The following BRCC3 variants were observed in gnomAD, a reference collection of about 807,000 sequenced individuals.
The protein encoded by BRCC3 is lys-63-specific deubiquitinase BRCC36.
A neutral mutation model predicts 28.0 loss-of-function variants in BRCC3; 15 were observed. That is an observed-to-expected ratio of 0.54 (90% CI 0.36 to 0.82). The LOEUF (loss-of-function observed/expected upper bound fraction) is 0.82, where lower values mean the gene tolerates loss of function less well. Ranked by LOEUF, BRCC3 falls within the 40% of genes least tolerant of loss-of-function variation. The pLI, the probability that BRCC3 is intolerant of heterozygous loss-of-function variation, is 0.01. For missense variants in BRCC3, 109 were observed against 225.9 expected (o/e 0.48, Z 3.32); for synonymous variants, 66 against 80.3 (o/e 0.82, Z 0.95).
At chrX:155,111,602 A>G (rs1427000287) in intron 7 of BRCC3, among the ~76,000 whole-genome samples, 2 of 112,036 alleles carry the variant, frequency 1.8e-5, no homozygotes, top group African/African-American at 6.5e-5. Context: ...CCCAATATAC[A>G]AAAATTAAAA....
Position 155,078,680 on chromosome X carries a change from T to G in BRCC3, c.380T>G (p.Ile127Arg). The change falls in exon 5 of 11, where the codon ATA becomes AGA. Residue 127 changes from isoleucine to arginine, a missense_variant. Coordinates refer to ENST00000330045, the MANE Select transcript of BRCC3 (RefSeq NM_001018055.3). ...GGCTGGTATCATTCCCATCCTCATA[T>G]AACTGTTTGGCCTTCACATGTTGGT... The part of the protein sequence containing the change: ...VVGWYHSHPH[I>R]TVWPSHVDVR... 1 of 1,195,287 alleles carries G rather than the reference T, an allele frequency of 8.4e-7. No homozygotes were observed. Among genetic ancestry groups the G allele is most frequent in the Non-Finnish European group, 1.1e-6 (1 of 884,998 alleles).
chrX:155,074,742 A>G (rs1340890844), intron 3 of BRCC3, among the ~76,000 whole-genome samples: 1 of 112,237 alleles, frequency 8.9e-6, no homozygotes, highest in Admixed American at 9.4e-5. Flanking sequence ...TTAGATATTA[A>G]ACTTTATTAG....
chrX:155,108,475 A>C (rs970826753), intron 7 of BRCC3, among the ~76,000 whole-genome samples: 14 of 112,478 alleles, frequency 1.2e-4, no homozygotes, highest in Non-Finnish European at 2.3e-4. Flanking sequence ...TTATCACTTT[A>C]GTAGAATAGT....
At chrX:155,101,694 C>G (rs2074247898) in intron 7 of BRCC3, among the ~76,000 whole-genome samples, 1 of 111,673 alleles carries the variant, frequency 9.0e-6, no homozygotes, top group Admixed American at 9.5e-5. Context: ...TTGACCTACT[C>G]CCATCTTTCT....
intron 5 of BRCC3, among the ~76,000 whole-genome samples, chrX:155,080,224 T>C (rs2074075376): frequency 8.9e-6 from 1 of 111,817 alleles, no homozygotes; most frequent in Non-Finnish European, 1.9e-5. Context: ...ATTTTCACTA[T>C]AGTAATAAGT....
At chrX:155,074,088 G>C (rs1188879694) in intron 3 of BRCC3, among the ~76,000 whole-genome samples, 1 of 111,904 alleles carries the variant, frequency 8.9e-6, no homozygotes, top group Non-Finnish European at 1.9e-5. Context: ...TAATCACTTT[G>C]CATCTCTTCC....
chrX:155,079,754 C>A (rs1279577508), intron 5 of BRCC3, among the ~76,000 whole-genome samples: 2 of 111,241 alleles, frequency 1.8e-5, no homozygotes, highest in Admixed American at 1.9e-4. Context: ...ATTTGCCAAA[C>A]TTTAACATTT....
Position 155,075,335 on chromosome X carries a change from CCCTTGATTCAGGCCAAGACCT to C in BRCC3, c.196-1833_196-1813del, listed in dbSNP as rs1557293434. Among the ~76,000 whole-genome samples, 154 of 54,527 alleles carry C rather than the reference CCCTTGATTCAGGCCAAGACCT, an allele frequency of 2.8e-3. 1 individual carries two copies. In the African/African-American group the frequency reaches 0.04, roughly 14 times the overall value. 47.4% of individuals were successfully genotyped at this position (54,527 alleles called of 115,157 possible). A position where few individuals can be genotyped will look rare whatever the true frequency, so the allele number is the denominator to read the frequency against. On this transcript the variant is annotated intron_variant, in intron 3 of 10. Coordinates refer to ENST00000330045, the MANE Select transcript of BRCC3 (RefSeq NM_001018055.3). Reference sequence around the variant, plus strand: ...TTCCCCACACTAAATGTGGCCACTCCCCTTGATTCAGGCCAAGACCTCTGCTCCCTTTCTCCACACCTTTTT... The same window carrying C: ...TTCCCCACACTAAATGTGGCCACTCCCTGCTCCCTTTCTCCACACCTTTTT...
chrX:155,109,454 T>C (rs782433544), intron 7 of BRCC3, among the ~76,000 whole-genome samples: 2 of 112,195 alleles, frequency 1.8e-5, no homozygotes, highest in African/African-American at 6.4e-5. Flanking sequence ...TCTCTATCTT[T>C]TGTATTTTTC....
chrX:155,086,433 C>T (rs782565958), intron 5 of BRCC3, among the ~76,000 whole-genome samples: 14 of 111,829 alleles, frequency 1.3e-4, no homozygotes, highest in Admixed American at 4.7e-4. Flanking sequence ...TAACTGCAAC[C>T]GCCGTCTCCT....
intron 7 of BRCC3, among the ~76,000 whole-genome samples, chrX:155,094,627 G>T (rs953405006): frequency 9.0e-6 from 1 of 111,321 alleles, no homozygotes; most frequent in South Asian, 3.8e-4. Context: ...ATTTAGAACA[G>T]AATTAACCAA....
intron 5 of BRCC3, among the ~76,000 whole-genome samples, chrX:155,083,208 T>G (rs1273970406): frequency 8.9e-6 from 1 of 112,591 alleles, no homozygotes; most frequent in Non-Finnish European, 1.9e-5. Context: ...CAATTTGTAA[T>G]AATATCTGCA....
intron 3 of BRCC3, 53 bp from the exon 4 acceptor site, chrX:155,077,117 G>C: frequency 3.8e-6 from 4 of 1,061,993 alleles, no homozygotes; most frequent in Non-Finnish European, 5.0e-6. Flanking sequence ...GTTGAAGGGG[G>C]ATGTGTTATT....
intron 3 of BRCC3, among the ~76,000 whole-genome samples, chrX:155,075,803 G>A (rs1186539419): frequency 9.0e-6 from 1 of 111,601 alleles, no homozygotes; most frequent in Non-Finnish European, 1.9e-5. Context: ...TGGCATTTGA[G>A]GTCTTGTACA....
rs2074389652 is a variant in BRCC3, at chrX:155,121,820, T to C, written c.*616T>C. 1 of 112,119 alleles carries C rather than the reference T, an allele frequency of 8.9e-6. No homozygotes were observed. The highest frequency in any genetic ancestry group is 9.4e-5 in the Admixed American group (1 of 10,608). The allele number at this position is 112,119 out of a possible 1,213,427, so 9.2% of individuals were successfully genotyped here. A position where few individuals can be genotyped will look rare whatever the true frequency, so the allele number is the denominator to read the frequency against. On this transcript the variant is annotated 3_prime_UTR_variant, in exon 11 of 11. Coordinates refer to ENST00000330045, the MANE Select transcript of BRCC3 (RefSeq NM_001018055.3). The stretch of plus-strand genomic sequence containing the variant: ...ATATATCTGATCAATTTGGAATATA[T>C]AAAGTGTACTAAAAACTCAACTGAA...
intron 5 of BRCC3, among the ~76,000 whole-genome samples, chrX:155,082,022 G>A (rs1557294239): frequency 9.0e-6 from 1 of 111,602 alleles, no homozygotes; most frequent in Non-Finnish European, 1.9e-5. Context: ...AAAAATAAAA[G>A]CCTTGGGATT....
chrX:155,109,299 C>T (rs2074305389), intron 7 of BRCC3, among the ~76,000 whole-genome samples: 1 of 111,553 alleles, frequency 9.0e-6, no homozygotes, highest in Admixed American at 9.5e-5. Flanking sequence ...ATTCTTCGCC[C>T]TTTGTAGCCC....
intron 9 of BRCC3, among the ~76,000 whole-genome samples, chrX:155,119,648 G>C (rs2074377827): frequency 8.9e-6 from 1 of 112,213 alleles, no homozygotes; most frequent in Non-Finnish European, 1.9e-5. Context: ...AGGTTATGGT[G>C]GTTTACAGCA....
chrX:155,078,527 G>A, intron 4 of BRCC3, 89 bp from the exon 5 acceptor site: 1 of 608,387 alleles, frequency 1.6e-6, no homozygotes, highest in South Asian at 2.5e-5. Context: ...ATTGTAATAA[G>A]CTTATTTTAA....
Sources: gnomAD v4.1 joint callset for allele counts (sites outside exome capture counted in the v4.1 genomes callset) on GRCh38, gnomAD v4.1.1 for gene constraint, MANE v1.5 for transcripts, NCBI Gene and HGNC (gene_info 2026-07-23, HGNC 2026-07-21) for gene names.